SCARA3: variants seen among roughly 807,000 people sequenced by gnomAD.
SCARA3 encodes the protein cellular stress response gene protein.
In SCARA3, 39 loss-of-function variants were observed where a neutral mutation model predicts 47.0. The observed-to-expected ratio is 0.83, with a 90% CI of 0.64 to 1.08. SCARA3 has a LOEUF of 1.08. SCARA3 is among the 50% of genes least tolerant of loss of function. The probability of loss-of-function intolerance (pLI) is 0.00; values close to 1 mark genes in which losing one functional copy is unlikely to be tolerated. For synonymous variants in SCARA3, 356 were observed against 334.1 expected (o/e 1.07, Z -0.71); for missense variants, 724 against 792.3 (o/e 0.91, Z 1.04).
Position 27,671,667 on chromosome 8 carries a change from CAT to C in SCARA3, c.*317_*318del, listed in dbSNP as rs1275305446. The C allele has an allele frequency of 1.4e-5, 15 of 1,088,134 alleles. No individual in the cohort carries two copies. Among genetic ancestry groups the C allele is most frequent in the Non-Finnish European group, 1.6e-5 (14 of 889,110 alleles). The allele number at this position is 1,088,134 out of a possible 1,614,324, so 67.4% of individuals were successfully genotyped here. On this transcript the variant is annotated 3_prime_UTR_variant, in exon 6 of 6. Transcript: ENST00000301904. ...GCACACACACATGCACGCACACACACATGCACACATACACGTGCACACATACA... is the reference window on the plus strand; with the variant it reads ...GCACACACACATGCACGCACACACACGCACACATACACGTGCACACATACA...
At chr8:27,731,479 C>T in the SCARA3 span, among the ~76,000 whole-genome samples, 8 of 151,766 alleles carry the variant, frequency 5.3e-5, no homozygotes, top group Non-Finnish European at 1.2e-4. Context: ...AAAACCCCGT[C>T]TCTACTAAAA....
At chr8:27,701,098 A>AC in the SCARA3 span, 1 of 152,012 alleles carries the variant, frequency 6.6e-6, no homozygotes, top group Non-Finnish European at 1.5e-5. Flanking sequence ...TAAAAAAAAA[A>AC]CAAAAAAACT....
At chr8:27,696,456 TGCTTTTAAATTTTTTTGGA>T in the SCARA3 span, among the ~76,000 whole-genome samples, 1 of 152,132 alleles carries the variant, frequency 6.6e-6, no homozygotes, top group African/African-American at 2.4e-5. Flanking sequence ...TGTTTTGTTT[TGCTTTTAAATTTTTTTGGA>T]GACAGAGTCT....
the SCARA3 span, among the ~76,000 whole-genome samples, chr8:27,707,173 C>T: frequency 2.0e-5 from 3 of 152,140 alleles, no homozygotes; most frequent in Non-Finnish European, 4.4e-5. Flanking sequence ...TGATGGGCAT[C>T]TTTCCCTCAG....
intron 5 of SCARA3, among the ~76,000 whole-genome samples, chr8:27,664,505 C>T (rs548924890): frequency 3.3e-5 from 5 of 152,254 alleles, no homozygotes; most frequent in African/African-American, 1.2e-4. Flanking sequence ...CTGAAATGCA[C>T]ACAATTCAGT....
At chr8:27,660,842 C>CTAGCTAGA (rs1318777226) in intron 5 of SCARA3, among the ~76,000 whole-genome samples, 1,208 of 113,814 alleles carry the variant, frequency 0.011, 20 homozygotes, top group African/African-American at 0.034. Context: ...AGCTAGCTAG[C>CTAGCTAGA]TAGATAGATA....
intron 5 of SCARA3, 92 bp from the exon 6 acceptor site, chr8:27,670,808 C>T (rs989913035): frequency 8.6e-5 from 89 of 1,040,906 alleles, no homozygotes; most frequent in African/African-American, 5.4e-4. Flanking sequence ...GTTCAACCCT[C>T]GGGCTGTCGC....
At chr8:27,678,121 C>T (rs979877229), downstream of SCARA3, among the ~76,000 whole-genome samples, 1 of 152,070 alleles carries the variant, frequency 6.6e-6, no homozygotes, top group Non-Finnish European at 1.5e-5. Flanking sequence ...ATGACCTAAA[C>T]TTTAACCTTA....
chr8:27,697,617 C>G, the SCARA3 span: 5 of 152,162 alleles, frequency 3.3e-5, no homozygotes, highest in African/African-American at 7.2e-5. Flanking sequence ...TGTCCCCACC[C>G]AAATCTCATC....
chr8:27,733,936 T>G, the SCARA3 span: 1 of 152,184 alleles, frequency 6.6e-6, no homozygotes, highest in African/African-American at 2.4e-5. Flanking sequence ...AATCCTGCTG[T>G]GTGTATGGCT....
At chr8:27,731,626 A>G in the SCARA3 span, among the ~76,000 whole-genome samples, 5 of 128,948 alleles carry the variant, frequency 3.9e-5, no homozygotes, top group African/African-American at 1.5e-4. Context: ...TGGGCAACAG[A>G]GCGAGACTCT....
At chr8:27,670,502 C>T (rs1802120851) in intron 5 of SCARA3, among the ~76,000 whole-genome samples, 2 of 152,200 alleles carry the variant, frequency 1.3e-5, no homozygotes, top group South Asian at 4.1e-4. Context: ...TCCTCCATGT[C>T]ACCTGACTTG....
At chr8:27,668,926 A>G (rs1437468684) in intron 5 of SCARA3, among the ~76,000 whole-genome samples, 1 of 152,128 alleles carries the variant, frequency 6.6e-6, no homozygotes, top group African/African-American at 2.4e-5. Context: ...CATAGAAAGG[A>G]ATGGAGTTCC....
rs375513049 is a variant in SCARA3 at position 27,658,994 on chromosome 8, C to T, written c.824C>T (p.Ala275Val). The T allele has an allele frequency of 1.9e-5, 30 of 1,613,992 alleles. No homozygotes were observed. Among genetic ancestry groups the T allele is most frequent in the African/African-American group, 5.3e-5 (4 of 74,898 alleles). The change falls in exon 5 of 6, where the codon GCG becomes GTG. Residue 275 changes from alanine to valine, a missense_variant. Physicochemically the swap from Ala to Val is moderately conservative, Grantham distance 64. Transcript: ENST00000301904. ...LRTTSTKTGEAVKNIQATLGA... is the reference protein window; with the variant it reads ...LRTTSTKTGEVVKNIQATLGA... ...ACCACCTCCACCAAGACTGGAGAGG[C>T]GGTCAAGAACATCCAGGCCACCCTG...
At position 27,656,863 on chromosome 8, in the gene SCARA3, A is replaced by C; in HGVS notation, c.308A>C (p.Lys103Thr). 6.2e-7 allele frequency: 1 copy of C among 1,607,928 alleles called. No individual in the cohort carries two copies. The highest frequency in any genetic ancestry group is 8.5e-7 in the Non-Finnish European group (1 of 1,174,308). The change falls in exon 4 of 6, where the codon AAA becomes ACA. Residue 103 changes from lysine (K) to threonine (T), a missense_variant. By Grantham distance (78) the Lys-to-Thr change is moderately conservative. Transcript: ENST00000301904. ...IYDKKLVLMQ[K>T]NLQGLDPKAL... is the part of the protein sequence containing the mutation. Reference sequence around the variant, plus strand: ...GACAAGAAGCTTGTGTTAATGCAGAAAAATCTCCAGGGCCTGGGTAAGTAG... The same window carrying C: ...GACAAGAAGCTTGTGTTAATGCAGACAAATCTCCAGGGCCTGGGTAAGTAG...
chr8:27,680,076 A>G (rs906488466), downstream of SCARA3: 10 of 152,180 alleles, frequency 6.6e-5, no homozygotes, highest in African/African-American at 9.6e-5. Context: ...TTGGATGCAG[A>G]TAAAGCAATG....
rs558408650 is a variant in SCARA3, at chr8:27,669,890, C to T, written c.1370-1010C>T. Among the ~76,000 whole-genome samples the T allele has an allele frequency of 8.5e-5, 13 of 152,168 alleles. No homozygotes were observed. The South Asian group carries it at 1.2e-3, about 15-fold the overall frequency. ...GGGGCCTGTGCCGCAGAACTGGGTACGGCAGTGGAGGGCTCCCAGCTCCCA... is the reference window on the plus strand; with the variant it reads ...GGGGCCTGTGCCGCAGAACTGGGTATGGCAGTGGAGGGCTCCCAGCTCCCA... On this transcript the variant is annotated intron_variant, in intron 5 of 5. Transcript: ENST00000301904.
At chr8:27,699,408 T>C in the SCARA3 span, among the ~76,000 whole-genome samples, 1 of 152,126 alleles carries the variant, frequency 6.6e-6, no homozygotes, top group Non-Finnish European at 1.5e-5. Context: ...GGCATGATCA[T>C]AGTCCACTGC....
At chr8:27,659,637 T>A in intron 5 of SCARA3, 98 bp downstream of exon 5, 1 of 1,020,680 alleles carries the variant, frequency 9.8e-7, no homozygotes, top group South Asian at 1.7e-5. Flanking sequence ...AAAGTACTAG[T>A]GGGCTAACAC....
Sources: gnomAD v4.1 joint callset for allele counts (sites outside exome capture counted in the v4.1 genomes callset) on GRCh38, gnomAD v4.1.1 for gene constraint, MANE v1.5 for transcripts, NCBI Gene and HGNC (gene_info 2026-07-23, HGNC 2026-07-21) for gene names.